Variants in CSMD3 observed in about 807,000 individuals in gnomAD.
The protein encoded by CSMD3 is CUB and Sushi multiple domains 3.
Under a neutral mutation model 435.2 loss-of-function variants are expected in CSMD3, and 177 were observed. The observed-to-expected ratio is 0.41, with a 90% CI of 0.36 to 0.46. The LOEUF is 0.46. Among genes scored for constraint, CSMD3 ranks in the 20% least tolerant of loss-of-function variants. CSMD3 has a pLI of 0.34. For missense variants in CSMD3, 4,265 were observed against 4,504.6 expected, an observed-to-expected ratio of 0.95 and a Z score of 1.52; for synonymous variants, 1,656 against 1,520.5, an observed-to-expected ratio of 1.09 and a Z score of -2.07.
At chr8:112,977,921 T>C (rs779360816) in intron 6 of CSMD3, among the ~76,000 whole-genome samples, 1 of 152,044 alleles carries the variant, frequency 6.6e-6, no homozygotes, top group Non-Finnish European at 1.5e-5. Context: ...GCAATAGCTA[T>C]GCTTGCACTA....
intron 5 of CSMD3, among the ~76,000 whole-genome samples, chr8:113,021,366 A>G (rs2086677762): frequency 6.6e-6 from 1 of 152,216 alleles, no homozygotes. Context: ...TTATATTTTC[A>G]ATTGAGTAGC....
chr8:112,988,114 T>C (rs1284434706), intron 6 of CSMD3, among the ~76,000 whole-genome samples: 1 of 152,004 alleles, frequency 6.6e-6, no homozygotes, highest in East Asian at 1.9e-4. Flanking sequence ...CAATGATGAC[T>C]AAATGGCTTT....
chr8:112,356,407 TA>T (rs1826603926), intron 38 of CSMD3, among the ~76,000 whole-genome samples: 2 of 152,022 alleles, frequency 1.3e-5, no homozygotes, highest in South Asian at 2.1e-4. Context: ...AATGCAGGCA[TA>T]AAAAACCAAA....
chr8:113,294,512 G>A (rs75216652), intron 2 of CSMD3, among the ~76,000 whole-genome samples: 4,512 of 152,198 alleles, frequency 0.03, 88 homozygotes, highest in Non-Finnish European at 0.04. Context: ...TCTTTTTGCT[G>A]TTCTGCGAGG....
intron 1 of CSMD3, among the ~76,000 whole-genome samples, chr8:113,372,302 T>C (rs1222443814): frequency 1.3e-5 from 2 of 152,198 alleles, no homozygotes; most frequent in African/African-American, 2.4e-5. Context: ...TTATTCTTAA[T>C]GGTTACCATA....
chr8:112,925,488 G>A (rs1008045772), intron 9 of CSMD3, among the ~76,000 whole-genome samples: 6 of 151,954 alleles, frequency 3.9e-5, no homozygotes, highest in Admixed American at 6.6e-5. Context: ...GAGTGAACCC[G>A]GGAAGTGGAA....
intron 11 of CSMD3, among the ~76,000 whole-genome samples, chr8:112,844,709 A>T (rs2080269488): frequency 6.6e-6 from 1 of 151,944 alleles, no homozygotes; most frequent in South Asian, 2.1e-4. Flanking sequence ...TGGACCAGAT[A>T]CATATCTTGT....
At chr8:112,976,819 T>TATGCAAATTATGTATGAAC (rs2084866051) in intron 6 of CSMD3, among the ~76,000 whole-genome samples, 1 of 152,094 alleles carries the variant, frequency 6.6e-6, no homozygotes, top group South Asian at 2.1e-4. Context: ...CTGAACTAAT[T>TATGCAAATTATGTATGAAC]AAAATTAAGC....
At chr8:113,083,602 T>C (rs1396720315) in intron 5 of CSMD3, among the ~76,000 whole-genome samples, 1 of 151,372 alleles carries the variant, frequency 6.6e-6, no homozygotes, top group Non-Finnish European at 1.5e-5. Flanking sequence ...GATATACAAA[T>C]GAGAAAAAAT....
intron 66 of CSMD3, among the ~76,000 whole-genome samples, chr8:112,239,592 A>G (rs1418631397): frequency 6.6e-6 from 1 of 152,034 alleles, no homozygotes; most frequent in African/African-American, 2.4e-5. Flanking sequence ...AAATAATTTT[A>G]ACCAGTTCTT....
At chr8:112,407,260 G>A (rs1831941306) in intron 34 of CSMD3, among the ~76,000 whole-genome samples, 1 of 151,856 alleles carries the variant, frequency 6.6e-6, no homozygotes, top group Non-Finnish European at 1.5e-5. Flanking sequence ...TTTGGACTAG[G>A]TAGAATATAT....
At chr8:112,762,482 A>C (rs957118764) in intron 13 of CSMD3, among the ~76,000 whole-genome samples, 8 of 151,916 alleles carry the variant, frequency 5.3e-5, no homozygotes, top group Non-Finnish European at 1.2e-4. Context: ...TCTTTACCTG[A>C]CTTCTATTTA....
At chr8:112,450,827 C>T (rs1816178917) in intron 32 of CSMD3, among the ~76,000 whole-genome samples, 1 of 152,168 alleles carries the variant, frequency 6.6e-6, no homozygotes, top group South Asian at 2.1e-4. Flanking sequence ...GGCTAGACCT[C>T]TCTGGAAAGT....
chr8:112,662,253 C>T (rs1295640739), intron 17 of CSMD3, among the ~76,000 whole-genome samples: 7 of 152,058 alleles, frequency 4.6e-5, no homozygotes, highest in Non-Finnish European at 7.4e-5. Context: ...GGAGGCATCA[C>T]GCTACCTGAC....
intron 2 of CSMD3, among the ~76,000 whole-genome samples, chr8:113,301,369 G>T (rs1014393813): frequency 6.6e-6 from 1 of 152,032 alleles, no homozygotes; most frequent in Non-Finnish European, 1.5e-5. Context: ...ATGCAATAAA[G>T]AGTTAACGCT....
chr8:113,223,622 C>CATATATATATAT (rs3048833), intron 3 of CSMD3, among the ~76,000 whole-genome samples: 4 of 146,128 alleles, frequency 2.7e-5, no homozygotes, highest in African/African-American at 9.9e-5. Context: ...GTCAAGTATA[C>CATATATATATAT]ATATATATAT....
chr8:113,150,461 A>G (rs893276295), intron 4 of CSMD3, among the ~76,000 whole-genome samples: 1 of 151,972 alleles, frequency 6.6e-6, no homozygotes, highest in Non-Finnish European at 1.5e-5. Context: ...CTTAAGCTAT[A>G]AGGAACCGAA....
intron 27 of CSMD3, among the ~76,000 whole-genome samples, chr8:112,537,350 A>C (rs1467539261): frequency 2.0e-5 from 3 of 151,868 alleles, no homozygotes; most frequent in African/African-American, 7.2e-5. Context: ...AAACAATGAC[A>C]AATCAAACCC....
intron 5 of CSMD3, among the ~76,000 whole-genome samples, chr8:113,085,046 A>G (rs2089709021): frequency 6.6e-6 from 1 of 152,136 alleles, no homozygotes; most frequent in Admixed American, 6.5e-5. Flanking sequence ...ACACTTGAGG[A>G]CATTGGTCTG....
Sources: gnomAD v4.1 joint callset for allele counts (sites outside exome capture counted in the v4.1 genomes callset) on GRCh38, gnomAD v4.1.1 for gene constraint, MANE v1.5 for transcripts, NCBI Gene and HGNC (gene_info 2026-07-23, HGNC 2026-07-21) for gene names.